GRID2: variants seen among roughly 807,000 people sequenced by gnomAD.
GRID2 encodes glutamate ionotropic receptor delta type subunit 2.
Under a neutral mutation model 114.8 loss-of-function variants are expected in GRID2, and 33 were observed. The ratio of observed to expected loss-of-function variants is 0.29; its 90% CI spans 0.22 to 0.38. The LOEUF (loss-of-function observed/expected upper bound fraction) is 0.38, where lower values mean the gene tolerates loss of function less well. GRID2 is among the 10% of genes least tolerant of loss of function. GRID2 has a pLI of 1.00. For synonymous variants in GRID2, 505 were observed against 449.9 expected, an observed-to-expected ratio of 1.12 and a Z score of -1.55; for missense variants, 1,184 against 1,257.7, an observed-to-expected ratio of 0.94 and a Z score of 0.89.
intron 2 of GRID2, among the ~76,000 whole-genome samples, chr4:92,976,695 A>T (rs992012460): frequency 1.3e-5 from 2 of 152,134 alleles, no homozygotes; most frequent in Non-Finnish European, 2.9e-5. Flanking sequence ...TATTATCTCT[A>T]TACTTCTCCC....
chr4:92,728,873 A>G (rs1175184854), intron 2 of GRID2, among the ~76,000 whole-genome samples: 1 of 135,542 alleles, frequency 7.4e-6, no homozygotes, highest in Non-Finnish European at 1.6e-5. Flanking sequence ...TGTTAGCTCT[A>G]CTGTTGCTAA....
chr4:92,656,173 C>A (rs568871201), intron 2 of GRID2, among the ~76,000 whole-genome samples: 1 of 151,692 alleles, frequency 6.6e-6, no homozygotes, highest in South Asian at 2.1e-4. Flanking sequence ...ACAAGGGTTT[C>A]CTTATCTGTA....
chr4:92,777,669 G>C (rs1738875982), intron 2 of GRID2, among the ~76,000 whole-genome samples: 1 of 150,926 alleles, frequency 6.6e-6, no homozygotes, highest in Admixed American at 6.7e-5. Context: ...ATCGAGCCAT[G>C]CCCTAATTCA....
At chr4:93,095,110 A>G (rs1448607340) in intron 3 of GRID2, among the ~76,000 whole-genome samples, 1 of 152,046 alleles carries the variant, frequency 6.6e-6, no homozygotes. Flanking sequence ...ATAAAACACT[A>G]GCAAGACCAT....
At chr4:92,526,371 T>C (rs1245699078) in intron 1 of GRID2, among the ~76,000 whole-genome samples, 1 of 152,104 alleles carries the variant, frequency 6.6e-6, no homozygotes, top group Non-Finnish European at 1.5e-5. Flanking sequence ...GAGATGGAGT[T>C]TTGCTATTGT....
intron 4 of GRID2, among the ~76,000 whole-genome samples, chr4:93,155,365 T>C (rs1257542568): frequency 6.6e-6 from 1 of 151,964 alleles, no homozygotes; most frequent in African/African-American, 2.4e-5. Context: ...AACATCTTTT[T>C]TCTGCCTTGC....
At chr4:93,595,610 A>G (rs1396213310) in intron 13 of GRID2, among the ~76,000 whole-genome samples, 1 of 152,130 alleles carries the variant, frequency 6.6e-6, no homozygotes, top group Non-Finnish European at 1.5e-5. Context: ...TTTCTCTACC[A>G]TTGTCACTCT....
chr4:93,663,764 C>A (rs1723706024), intron 14 of GRID2, among the ~76,000 whole-genome samples: 1 of 152,114 alleles, frequency 6.6e-6, no homozygotes, highest in Non-Finnish European at 1.5e-5. Context: ...AGAAGGCAAT[C>A]TCTAAAACTT....
intron 8 of GRID2, among the ~76,000 whole-genome samples, chr4:93,390,581 A>G (rs963543672): frequency 1.2e-4 from 19 of 152,302 alleles, no homozygotes; most frequent in African/African-American, 4.6e-4. Flanking sequence ...GAACTCAATC[A>G]GTCTTCTTCT....
chr4:92,954,450 G>T (rs912971709), intron 2 of GRID2, among the ~76,000 whole-genome samples: 1 of 151,232 alleles, frequency 6.6e-6, no homozygotes, highest in Admixed American at 6.6e-5. Context: ...TTTTTGAGAC[G>T]GAGTCTCACT....
chr4:92,958,399 A>G (rs1056102059), intron 2 of GRID2, among the ~76,000 whole-genome samples: 4 of 152,056 alleles, frequency 2.6e-5, no homozygotes, highest in Non-Finnish European at 4.4e-5. Flanking sequence ...ATTTTGTCAG[A>G]TGCTTTTTCT....
At chr4:93,556,016 C>T (rs535267657) in intron 13 of GRID2, among the ~76,000 whole-genome samples, 20 of 152,240 alleles carry the variant, frequency 1.3e-4, no homozygotes, top group African/African-American at 4.8e-4. Flanking sequence ...AGCAGAAGGG[C>T]CTGACTGTTA....
intron 1 of GRID2, among the ~76,000 whole-genome samples, chr4:92,309,573 GA>G: frequency 6.6e-6 from 1 of 151,022 alleles, no homozygotes; most frequent in Non-Finnish European, 1.5e-5. Context: ...AAAAATCTCA[GA>G]AAAAAATGTC....
chr4:92,546,557 C>T (rs762725683), intron 1 of GRID2, among the ~76,000 whole-genome samples: 10 of 152,104 alleles, frequency 6.6e-5, no homozygotes, highest in Non-Finnish European at 8.8e-5. Context: ...TGTGTGTGCG[C>T]GCGCGTGTGC....
chr4:92,628,610 G>A lies in GRID2; in HGVS notation c.244+38324G>A, dbSNP rs78735841. 8.6e-3 allele frequency among the ~76,000 whole-genome samples: 1,308 copies of A among 152,118 alleles called. 16 individuals are homozygous for A. Among genetic ancestry groups the A allele is most frequent in the East Asian group, 0.066 (342 of 5,160 alleles). On this transcript the variant is annotated intron_variant, in intron 2 of 15. Transcript: ENST00000282020. Reference sequence around the variant, plus strand: ...TGAGGAAAGGCGATCTGCCCGCCTCGGCCTCCCAAAGTGCTAGGATTACAG... The same window carrying A: ...TGAGGAAAGGCGATCTGCCCGCCTCAGCCTCCCAAAGTGCTAGGATTACAG...
intron 2 of GRID2, among the ~76,000 whole-genome samples, chr4:93,045,595 G>A (rs1726053088): frequency 6.6e-6 from 1 of 152,054 alleles, no homozygotes; most frequent in Non-Finnish European, 1.5e-5. Flanking sequence ...GGAAAAATAT[G>A]GGGGTAATAA....
chr4:93,227,107 A>G (rs1484610039), intron 7 of GRID2, among the ~76,000 whole-genome samples: 2 of 152,130 alleles, frequency 1.3e-5, no homozygotes, highest in Non-Finnish European at 2.9e-5. Context: ...AGCAGCTTCA[A>G]AGACTTTTGA....
chr4:93,513,612 G>A (rs553775681), intron 12 of GRID2, among the ~76,000 whole-genome samples: 41 of 152,128 alleles, frequency 2.7e-4, no homozygotes, highest in Middle Eastern at 3.4e-3. Context: ...TTCCAGAATC[G>A]CACTTTCTCT....
intron 2 of GRID2, among the ~76,000 whole-genome samples, chr4:93,000,942 A>G (rs922127220): frequency 4.0e-5 from 6 of 151,606 alleles, no homozygotes; most frequent in Non-Finnish European, 5.9e-5. Context: ...ATACCCTGTG[A>G]ATCTAAAATA....
Sources: allele counts gnomAD v4.1 joint callset (sites outside exome capture counted in the v4.1 genomes callset), GRCh38; gene constraint gnomAD v4.1.1; transcripts MANE v1.5; gene names NCBI Gene and HGNC (gene_info 2026-07-23, HGNC 2026-07-21).